Variants in ZNF569 observed in about 807,000 individuals in gnomAD.
ZNF569 encodes DNA-binding protein.
A neutral mutation model predicts 56.3 loss-of-function variants in ZNF569; 38 were observed. The ratio of observed to expected loss-of-function variants is 0.68; its 90% confidence interval spans 0.52 to 0.88. ZNF569 has a LOEUF of 0.88. ZNF569 is among the 40% of genes least tolerant of loss of function. ZNF569 has a pLI of 0.00. For synonymous variants in ZNF569, 241 were observed against 262.9 expected, an observed-to-expected ratio of 0.92 and a Z score of 0.81; for missense variants, 666 against 809.2, an observed-to-expected ratio of 0.82 and a Z score of 2.15.
intron 5 of ZNF569, among the ~76,000 whole-genome samples, chr19:37,415,454 C>T (rs1226457134): frequency 6.6e-6 from 1 of 152,080 alleles, no homozygotes; most frequent in Non-Finnish European, 1.5e-5. Flanking sequence ...AACACCAGCA[C>T]TTTACTTAAT....
chr19:37,437,935 A>T (rs977510238), intron 3 of ZNF569, among the ~76,000 whole-genome samples: 1 of 152,214 alleles, frequency 6.6e-6, no homozygotes, highest in Non-Finnish European at 1.5e-5. Flanking sequence ...TGTTATCAAA[A>T]TACCAATGAC....
chr19:37,468,138 G>A, upstream of ZNF569: 4 of 592,074 alleles, frequency 6.8e-6, no homozygotes, highest in South Asian at 8.5e-5. Context: ...AGGCTGGAGA[G>A]TGCAGCGGCG....
upstream of ZNF569, chr19:37,469,095 GC>G: frequency 9.6e-7 from 1 of 1,043,590 alleles, no homozygotes; most frequent in South Asian, 3.4e-5. Flanking sequence ...GTGACGCTGG[GC>G]CCCGTCCCTG....
At chr19:37,417,827 T>A (rs375978494) in intron 5 of ZNF569, among the ~76,000 whole-genome samples, 2 of 152,172 alleles carry the variant, frequency 1.3e-5, no homozygotes, top group South Asian at 4.2e-4. Context: ...AGTTCTGTTC[T>A]GGCCGGGTGC....
intron 5 of ZNF569, among the ~76,000 whole-genome samples, chr19:37,418,042 A>G (rs1275090349): frequency 1.3e-5 from 2 of 151,930 alleles, no homozygotes; most frequent in African/African-American, 4.8e-5. Context: ...CGGAGGTTGC[A>G]GTGAGCCAAG....
intron 2 of ZNF569, 141 bp from the exon 3 acceptor site, chr19:37,445,105 G>C: frequency 1.5e-6 from 1 of 647,100 alleles, no homozygotes; most frequent in Non-Finnish European, 2.5e-6. Flanking sequence ...ATACCACAAA[G>C]GTTCTTAATA....
intron 5 of ZNF569, among the ~76,000 whole-genome samples, chr19:37,420,702 T>C (rs1485099110): frequency 6.6e-6 from 1 of 152,214 alleles, no homozygotes; most frequent in Non-Finnish European, 1.5e-5. Flanking sequence ...GAGTGTCGAA[T>C]GAACCTCTTT....
Position 37,434,997 on chromosome 19 carries a change from A to G in ZNF569, c.16-8619T>C, listed in dbSNP as rs1490919471. ...ACAAAGCCTGTTTGGTGGTCTCTTC[A>G]CACGTGCGCGTGTGACACTTGGGAA... is the stretch of plus-strand genomic sequence containing the variant. On this transcript the variant is annotated intron_variant, in intron 3 of 5. Transcript: ENST00000316950. 3.3e-5 allele frequency among the ~76,000 whole-genome samples: 5 copies of G among 152,088 alleles called. No homozygotes were observed. The East Asian group carries it at 9.7e-4, about 29-fold the overall frequency.
rs2040853186 is a variant in ZNF569, at chr19:37,412,430, A to G, written c.*167T>C. ...TTTCTGGTAACAGCTTTTTCATTAT[A>G]TAATTTGTCACCTTGGAAGAATTCT... is the stretch of plus-strand genomic sequence containing the variant. On this transcript the variant is annotated 3_prime_UTR_variant, in exon 6 of 6. Transcript: ENST00000316950. The G allele has an allele frequency of 8.1e-7, 1 of 1,227,756 alleles. No homozygotes were observed. Among genetic ancestry groups the G allele is most frequent in the African/African-American group, 1.6e-5 (1 of 64,260 alleles). The allele number at this position is 1,227,756 out of a possible 1,614,324, so 76.1% of individuals were successfully genotyped here. A position where few individuals can be genotyped will look rare whatever the true frequency, so the allele number is the denominator to read the frequency against.
rs202186412 is a variant in ZNF569, at chr19:37,413,948, C to G, written c.710G>C (p.Ser237Thr). 1.4e-5 allele frequency: 23 copies of G among 1,613,356 alleles called. No individual in the cohort carries two copies. The East Asian group carries it at 4.9e-4, about 34-fold the overall frequency. Residue 237 changes from serine (S) to threonine (T), a missense_variant, in exon 6 of 6, where the codon AGT (serine) becomes ACT (threonine). By Grantham distance (58) the Ser-to-Thr change is moderately conservative. Transcript: ENST00000316950. ...EKLIKHYKIH[S>T]REQSYKCNEC... ...ATTACATTTGTAAGACTGCTCCCTA[C>G]TGTGAATTTTATAATGTTTAATAAG... is the stretch of plus-strand genomic sequence containing the variant.
chr19:37,422,346 T>C (rs1240828758), intron 5 of ZNF569, among the ~76,000 whole-genome samples: 4 of 152,090 alleles, frequency 2.6e-5, no homozygotes, highest in Admixed American at 6.6e-5. Flanking sequence ...TCAGAACACA[T>C]ACAACATTTA....
upstream of ZNF569, chr19:37,467,827 A>C: frequency 2.7e-6 from 4 of 1,494,882 alleles, no homozygotes; most frequent in Admixed American, 2.0e-5. Flanking sequence ...CTTTTGTGTG[A>C]CCATGGTCGC....
At chr19:37,443,879 G>A (rs1016202207) in intron 3 of ZNF569, among the ~76,000 whole-genome samples, 12 of 151,506 alleles carry the variant, frequency 7.9e-5, no homozygotes, top group East Asian at 1.9e-4. Context: ...TTAGCCAGGC[G>A]TGCTGGTGGG....
intron 3 of ZNF569, among the ~76,000 whole-genome samples, chr19:37,430,664 C>T (rs571793494): frequency 6.7e-6 from 1 of 149,768 alleles, no homozygotes; most frequent in Non-Finnish European, 1.5e-5. Context: ...CACAGGAACA[C>T]CAAATTGAAC....
chr19:37,463,756 A>G (rs183850658), intron 2 of ZNF569, among the ~76,000 whole-genome samples: 1 of 151,640 alleles, frequency 6.6e-6, no homozygotes, highest in African/African-American at 2.4e-5. Context: ...AAGACCTTCC[A>G]GTGGAACAAG....
At chr19:37,466,174 T>C (rs1166864210) in intron 1 of ZNF569, among the ~76,000 whole-genome samples, 1 of 152,184 alleles carries the variant, frequency 6.6e-6, no homozygotes, top group Non-Finnish European at 1.5e-5. Context: ...TCTTCGAGCT[T>C]TTCTGTATTT....
At chr19:37,468,084 T>G (rs1248679817), upstream of ZNF569, 3 of 685,958 alleles carry the variant, frequency 4.4e-6, no homozygotes, top group Non-Finnish European at 7.1e-6. Context: ...TTTTTTTTTT[T>G]GTTTGTTTTG....
chr19:37,432,904 CTTTTTTTTT>C (rs869051048), intron 3 of ZNF569, among the ~76,000 whole-genome samples: 1 of 122,538 alleles, frequency 8.2e-6, no homozygotes, highest in African/African-American at 3.1e-5. Flanking sequence ...ATGCATCAGT[CTTTTTTTTT>C]TTTTTTTTTT....
At chr19:37,426,448 C>A in intron 3 of ZNF569, 70 bp from the exon 4 acceptor site, 1 of 1,452,976 alleles carries the variant, frequency 6.9e-7, no homozygotes. Context: ...ATATATTGAA[C>A]CTTGTTCTGA....
Sources: allele counts gnomAD v4.1 joint callset (sites outside exome capture counted in the v4.1 genomes callset), GRCh38; gene constraint gnomAD v4.1.1; transcripts MANE v1.5; gene names NCBI Gene and HGNC (gene_info 2026-07-23, HGNC 2026-07-21).